COL22A1: variants seen among roughly 807,000 people sequenced by gnomAD.
The protein encoded by COL22A1 is collagen type XXII alpha 1 chain, also known as collagen alpha-1(XXII) chain.
In COL22A1, 221 loss-of-function variants were observed where a neutral mutation model predicts 248.9. The ratio of observed to expected loss-of-function variants is 0.89; its 90% CI spans 0.80 to 0.99. The LOEUF is 0.99. COL22A1 is among the 50% of genes least tolerant of loss of function. The pLI, the probability that COL22A1 is intolerant of heterozygous loss-of-function variation, is 0.00. For synonymous variants in COL22A1, 891 were observed against 793.4 expected (o/e 1.12, Z -2.07); for missense variants, 2,240 against 2,179.0 (o/e 1.03, Z -0.56).
At chr8:138,773,444 G>T (rs944078634) in intron 16 of COL22A1, among the ~76,000 whole-genome samples, 1 of 149,570 alleles carries the variant, frequency 6.7e-6, no homozygotes, top group Non-Finnish European at 1.5e-5. Context: ...CCTTTGGAGT[G>T]GGGGGTCCCA....
chr8:138,781,788 C>A (rs1274561520), intron 12 of COL22A1, among the ~76,000 whole-genome samples: 1 of 152,180 alleles, frequency 6.6e-6, no homozygotes, highest in Non-Finnish European at 1.5e-5. Context: ...GATCTCCCCG[C>A]CCCACTCCCA....
chr8:138,670,299 C>A (rs67017256), intron 41 of COL22A1, among the ~76,000 whole-genome samples: 9,027 of 152,234 alleles, frequency 0.059, 631 homozygotes, highest in African/African-American at 0.17. Context: ...GGCTTTACAC[C>A]TTCCTCAGCC....
At chr8:138,635,390 A>C (rs1385874845) in intron 48 of COL22A1, among the ~76,000 whole-genome samples, 1 of 152,168 alleles carries the variant, frequency 6.6e-6, no homozygotes. Context: ...GGGTACATAA[A>C]TGTTCATTTT....
At chr8:138,912,284 A>G (rs556630743) in intron 1 of COL22A1, among the ~76,000 whole-genome samples, 149 of 152,348 alleles carry the variant, frequency 9.8e-4, no homozygotes, top group African/African-American at 3.4e-3. Context: ...CCCATGCAGC[A>G]GGCCTCTAAC....
intron 23 of COL22A1, among the ~76,000 whole-genome samples, chr8:138,727,372 G>A (rs949884170): frequency 6.6e-6 from 1 of 151,970 alleles, no homozygotes; most frequent in African/African-American, 2.4e-5. Context: ...CAACTTAACT[G>A]TGCTGATCTG....
Position 138,833,072 on chromosome 8 carries a change from C to T in COL22A1, c.812G>A (p.Arg271Gln), listed in dbSNP as rs201595696. Residue 271 changes from arginine (R) to glutamine (Q), a missense_variant, in exon 5 of 65, where the codon CGG becomes CAG. Arg to Gln is a conservative substitution (Grantham distance 43, BLOSUM62 1). Coordinates refer to ENST00000303045, the MANE Select transcript of COL22A1 (RefSeq NM_152888.3). Reference protein sequence around the residue: ...RENGAQSSYVRMGSFPVVQST... With the variant: ...RENGAQSSYVQMGSFPVVQST... Reference sequence around the variant, plus strand: ...TTGCACCACAGGGAAGGATCCCATCCGTACATAGGAACTCTGAGCTCCATT... The same window carrying T: ...TTGCACCACAGGGAAGGATCCCATCTGTACATAGGAACTCTGAGCTCCATT... 148 of 1,613,428 alleles carry T rather than the reference C, an allele frequency of 9.2e-5. 2 individuals are homozygous for T. Among genetic ancestry groups the T allele is most frequent in the South Asian group, 5.5e-4 (50 of 91,072 alleles).
In COL22A1 at chr8:138,755,185, T is replaced by TG; in HGVS notation, c.2002dup (p.Gln668ProfsTer33). ...AGCTCCTGGAGGACCGGGGGCGCCT[T>TG]GGTGACCTCTGGGTCCTGGAGCTCC... On this transcript the variant is annotated frameshift_variant, in exon 21 of 65. Transcript: ENST00000303045. LOFTEE classifies it high-confidence loss of function. 6.2e-7 allele frequency: 1 copy of TG among 1,614,106 alleles called. No individual in the cohort carries two copies. Among genetic ancestry groups the TG allele is most frequent in the Non-Finnish European group, 8.5e-7 (1 of 1,180,006 alleles).
chr8:138,852,215 G>A (rs927072678), intron 3 of COL22A1, among the ~76,000 whole-genome samples: 7 of 152,122 alleles, frequency 4.6e-5, no homozygotes, highest in African/African-American at 1.7e-4. Context: ...CCCTGCAGCA[G>A]GGGGAGGGCC....
chr8:138,637,940 T>C (rs1485476300), intron 47 of COL22A1, among the ~76,000 whole-genome samples: 1 of 152,138 alleles, frequency 6.6e-6, no homozygotes, highest in Non-Finnish European at 1.5e-5. Flanking sequence ...GCTATTATCA[T>C]CACTGTTTCC....
intron 56 of COL22A1, among the ~76,000 whole-genome samples, chr8:138,613,362 C>T (rs1471587434): frequency 1.3e-5 from 2 of 152,138 alleles, no homozygotes; most frequent in South Asian, 4.1e-4. Context: ...CAAGGAACGC[C>T]CTCGAGAGCC....
chr8:138,787,832 G>A (rs1380355577), intron 12 of COL22A1, among the ~76,000 whole-genome samples: 1 of 152,062 alleles, frequency 6.6e-6, no homozygotes, highest in African/African-American at 2.4e-5. Context: ...TATGGGGAGG[G>A]GGGCAACCAT....
chr8:138,775,327 C>A (rs1814324812), intron 16 of COL22A1, among the ~76,000 whole-genome samples: 1 of 152,166 alleles, frequency 6.6e-6, no homozygotes. Flanking sequence ...CCCAGGGGAA[C>A]CATGAACCGG....
chr8:138,612,698 G>C (rs2131888512), intron 56 of COL22A1, among the ~76,000 whole-genome samples: 1 of 152,052 alleles, frequency 6.6e-6, no homozygotes, highest in Non-Finnish European at 1.5e-5. Context: ...AGGACAAGTG[G>C]GGCAGATCAC....
Position 138,755,132 on chromosome 8 carries a change from C to A in COL22A1, c.2031+25G>T, listed in dbSNP as rs769696214. ...GGTAAGAGAAGCGTGCAGAGCAAAC[C>A]CTGCGCAGGAGAGGGACAACTTACC... On this transcript the variant is annotated intron_variant, in intron 21 of 64. Transcript: ENST00000303045. 8 of 1,612,348 alleles carry A rather than the reference C, an allele frequency of 5.0e-6. No homozygotes were observed. The Admixed American group carries it at 1.3e-4, about 27-fold the overall frequency.
intron 53 of COL22A1, among the ~76,000 whole-genome samples, chr8:138,617,756 C>T (rs1819454490): frequency 6.6e-6 from 1 of 152,150 alleles, no homozygotes. Flanking sequence ...TGAGATGGGA[C>T]CATGGCTCCC....
intron 5 of COL22A1, among the ~76,000 whole-genome samples, chr8:138,829,403 G>GTTTTGT: frequency 1.1e-5 from 1 of 90,656 alleles, no homozygotes; most frequent in African/African-American, 4.3e-5. Context: ...TTCCTTTCCT[G>GTTTTGT]TTTTTTTTTT....
intron 56 of COL22A1, among the ~76,000 whole-genome samples, chr8:138,613,156 G>A (rs1227049699): frequency 6.6e-6 from 1 of 151,788 alleles, no homozygotes; most frequent in African/African-American, 2.4e-5. Flanking sequence ...GCTGAGGCAG[G>A]AGAATGGCGT....
intron 23 of COL22A1, among the ~76,000 whole-genome samples, chr8:138,731,824 T>C (rs1186777845): frequency 3.3e-5 from 5 of 152,202 alleles, no homozygotes; most frequent in Non-Finnish European, 7.3e-5. Context: ...ATAATGGCAC[T>C]TCAGCATCTT....
At chr8:138,842,161 C>T (rs1228697054) in intron 4 of COL22A1, among the ~76,000 whole-genome samples, 2 of 152,224 alleles carry the variant, frequency 1.3e-5, no homozygotes, top group Non-Finnish European at 2.9e-5. Flanking sequence ...GGCTCAATCT[C>T]TCTGTGCCTC....
Sources: gnomAD v4.1 joint callset for allele counts (sites outside exome capture counted in the v4.1 genomes callset) on GRCh38, gnomAD v4.1.1 for gene constraint, MANE v1.5 for transcripts, NCBI Gene and HGNC (gene_info 2026-07-23, HGNC 2026-07-21) for gene names.